The following AOPEP variants were observed in gnomAD, a reference collection of about 807,000 sequenced individuals.
The protein encoded by AOPEP is aminopeptidase O (putative).
In AOPEP, 77 loss-of-function variants were observed where a neutral mutation model predicts 98.1. The ratio of observed to expected loss-of-function variants is 0.78; its 90% CI spans 0.65 to 0.95. The LOEUF is 0.95. AOPEP is among the 40% of genes least tolerant of loss of function. AOPEP has a pLI of 0.00. For missense variants in AOPEP, 1,024 were observed against 1,024.7 expected, an observed-to-expected ratio of 1.00 and a Z score of 0.01; for synonymous variants, 346 against 365.3, an observed-to-expected ratio of 0.95 and a Z score of 0.60.
chr9:94,998,732 G>A (rs1253834552), intron 11 of AOPEP, among the ~76,000 whole-genome samples: 4 of 152,118 alleles, frequency 2.6e-5, no homozygotes, highest in Non-Finnish European at 5.9e-5. Flanking sequence ...ACTCATCTTT[G>A]CATTCACGAA....
intron 13 of AOPEP, among the ~76,000 whole-genome samples, chr9:95,030,047 A>G (rs1181182955): frequency 1.3e-5 from 2 of 152,244 alleles, no homozygotes; most frequent in Non-Finnish European, 2.9e-5. Context: ...TTTTTATTAC[A>G]GTTCAGCATA....
rs776783308 is a variant in AOPEP, at chr9:94,792,800, A to T, written c.1000A>T (p.Met334Leu). 1.2e-6 allele frequency: 2 copies of T among 1,613,356 alleles called. No homozygotes were observed. Among genetic ancestry groups the T allele is most frequent in the Non-Finnish European group, 8.5e-7 (1 of 1,179,580 alleles). ...SSWYYYVTMP[M>L]PASTFTIAVG... ...CTGGTATTACTATGTAACTATGCCAATGCCAGCCTCCACCTTCACAATTGC... is the reference window on the plus strand; with the variant it reads ...CTGGTATTACTATGTAACTATGCCATTGCCAGCCTCCACCTTCACAATTGC... The change falls in exon 4 of 17, where the codon ATG becomes TTG. Residue 334 changes from methionine (M) to leucine (L), a missense_variant. Coordinates refer to ENST00000375315, the MANE Select transcript of AOPEP (RefSeq NM_001193329.3).
chr9:94,830,046 A>G (rs1204824100), intron 5 of AOPEP, among the ~76,000 whole-genome samples: 1 of 152,162 alleles, frequency 6.6e-6, no homozygotes, highest in East Asian at 1.9e-4. Flanking sequence ...TATTTATTCA[A>G]CTTTTAAGTT....
rs542408284 is a variant in AOPEP at position 94,927,228 on chromosome 9, A to G, written c.1555-1197A>G. On this transcript the variant is annotated intron_variant, in intron 6 of 16. Coordinates refer to ENST00000375315, the MANE Select transcript of AOPEP (RefSeq NM_001193329.3). ...CTTCTTATAAGAACACCAGCCCTGT[A>G]GGATTAGGGCCCCACTCATGACTTA... Among the ~76,000 whole-genome samples the G allele has an allele frequency of 6.6e-5, 10 of 152,322 alleles. No individual in the cohort carries two copies. In the South Asian group the frequency reaches 1.9e-3, roughly 28 times the overall value.
intron 13 of AOPEP, among the ~76,000 whole-genome samples, chr9:95,044,074 G>A (rs1587763561): frequency 6.6e-6 from 1 of 152,170 alleles, no homozygotes; most frequent in East Asian, 1.9e-4. Context: ...GAAGTTCTCT[G>A]GGAGAAAAGC....
the AOPEP span, chr9:95,101,601 G>A: frequency 7.3e-7 from 1 of 1,376,502 alleles, no homozygotes; most frequent in African/African-American, 1.4e-5. Flanking sequence ...TCACAGCCCA[G>A]CGAGGGCACT....
chr9:94,935,070 G>GT (rs1161823622), intron 7 of AOPEP: 1 of 152,262 alleles, frequency 6.6e-6, no homozygotes, highest in African/African-American at 2.4e-5. Flanking sequence ...CTGGCGGGAG[G>GT]TGACTGGATC....
At chr9:95,102,140 G>A in the AOPEP span, among the ~76,000 whole-genome samples, 1 of 152,228 alleles carries the variant, frequency 6.6e-6, no homozygotes, top group African/African-American at 2.4e-5. Context: ...AGCGCTGCTT[G>A]CAATCAGAAG....
At chr9:95,061,556 G>T (rs1287542720) in intron 14 of AOPEP, among the ~76,000 whole-genome samples, 1 of 152,208 alleles carries the variant, frequency 6.6e-6, no homozygotes, top group Non-Finnish European at 1.5e-5. Context: ...GTTGAGATGT[G>T]CTGTAAGTAT....
At chr9:94,934,430 C>T (rs1402153917) in intron 7 of AOPEP, 1 of 151,582 alleles carries the variant, frequency 6.6e-6, no homozygotes, top group Non-Finnish European at 1.5e-5. Context: ...GATCCTGCCG[C>T]CTCAGCCTCC....
intron 11 of AOPEP, among the ~76,000 whole-genome samples, chr9:95,002,705 G>A (rs1423878730): frequency 6.6e-6 from 1 of 152,338 alleles, no homozygotes; most frequent in East Asian, 1.9e-4. Flanking sequence ...AGTAAGGAAA[G>A]ACCTTTCTGC....
At chr9:94,772,546 C>T (rs1224174547) in intron 2 of AOPEP, among the ~76,000 whole-genome samples, 3 of 152,152 alleles carry the variant, frequency 2.0e-5, no homozygotes, top group Non-Finnish European at 4.4e-5. Context: ...TATCTGCCTG[C>T]CAGCCCTGGA....
intron 5 of AOPEP, among the ~76,000 whole-genome samples, chr9:94,823,671 A>G (rs897776524): frequency 6.6e-6 from 1 of 152,288 alleles, no homozygotes; most frequent in South Asian, 2.1e-4. Context: ...AAGGAGGTGT[A>G]GATTGAGCAA....
chr9:95,118,286 T>TG, the AOPEP span, among the ~76,000 whole-genome samples: 1 of 152,228 alleles, frequency 6.6e-6, no homozygotes, highest in Non-Finnish European at 1.5e-5. Context: ...CCCAAAGTGC[T>TG]GGGGTTATAG....
At chr9:94,758,075 A>G (rs1040916925) in intron 1 of AOPEP, among the ~76,000 whole-genome samples, 1 of 152,224 alleles carries the variant, frequency 6.6e-6, no homozygotes, top group African/African-American at 2.4e-5. Flanking sequence ...TGTGCTACAT[A>G]TAGTTCAGTG....
intron 14 of AOPEP, among the ~76,000 whole-genome samples, chr9:95,061,896 A>T (rs1393760283): frequency 1.3e-5 from 2 of 152,210 alleles, no homozygotes; most frequent in East Asian, 3.8e-4. Flanking sequence ...TTTTGTATGT[A>T]GGAGTTCTCA....
At chr9:94,839,213 G>A (rs2041998446) in intron 5 of AOPEP, among the ~76,000 whole-genome samples, 1 of 151,884 alleles carries the variant, frequency 6.6e-6, no homozygotes, top group African/African-American at 2.4e-5. Flanking sequence ...AGCCTCCCGA[G>A]TAGGTGGGAC....
At chr9:94,816,663 G>A (rs897243688) in intron 5 of AOPEP, among the ~76,000 whole-genome samples, 1 of 152,144 alleles carries the variant, frequency 6.6e-6, no homozygotes, top group Non-Finnish European at 1.5e-5. Flanking sequence ...TGGAGATGGT[G>A]GAGCTAGAAG....
the AOPEP span, chr9:95,099,332 C>G: frequency 4.4e-6 from 1 of 227,092 alleles, no homozygotes; most frequent in Non-Finnish European, 8.7e-6. Flanking sequence ...GACCTTGGTC[C>G]AGTTCCTTCC....
Sources: allele counts gnomAD v4.1 joint callset (sites outside exome capture counted in the v4.1 genomes callset), GRCh38; gene constraint gnomAD v4.1.1; transcripts MANE v1.5; gene names NCBI Gene and HGNC (gene_info 2026-07-23, HGNC 2026-07-21).